ERC1: variants seen among roughly 807,000 people sequenced by gnomAD.
ERC1 encodes RAB6 interacting protein 2.
Under a neutral mutation model 132.0 loss-of-function variants are expected in ERC1, and 56 were observed. The ratio of observed to expected loss-of-function variants is 0.42; its 90% confidence interval spans 0.34 to 0.53. ERC1 has a LOEUF of 0.53. Ranked by LOEUF, ERC1 falls within the 20% of genes least tolerant of loss-of-function variation. ERC1 has a pLI of 0.03. For missense variants in ERC1, 1,202 were observed against 1,349.9 expected (o/e 0.89, Z 1.72); for synonymous variants, 478 against 476.1 (o/e 1.00, Z -0.05).
At chr12:993,224 A>G (rs775819625) in intron 1 of ERC1, among the ~76,000 whole-genome samples, 1 of 152,242 alleles carries the variant, frequency 6.6e-6, no homozygotes, top group Non-Finnish European at 1.5e-5. Flanking sequence ...GTTAGAAGGA[A>G]AACAAAATTG....
intron 8 of ERC1, among the ~76,000 whole-genome samples, chr12:1,146,102 G>A (rs1950318511): frequency 6.6e-6 from 1 of 152,004 alleles, no homozygotes; most frequent in Non-Finnish European, 1.5e-5. Context: ...TTCTAGTTCT[G>A]TGAAGAATGA....
Position 1,104,755 on chromosome 12 carries a change from G to A in ERC1, c.1092G>A (p.Met364Ile), listed in dbSNP as rs765146649. Residue 364 changes from methionine to isoleucine, a missense_variant, in exon 4 of 19, where the codon ATG becomes ATA. Transcript: ENST00000360905. ...TTTCTGCCTCTTTTCTACAGGAGAT[G>A]CATCGAAGGTTTGAGAATGCTCCTG... ...EKENSMLREE[M>I]HRRFENAPDS... 6.2e-7 allele frequency: 1 copy of A among 1,610,606 alleles called. No individual in the cohort carries two copies. The highest frequency in any genetic ancestry group is 8.5e-7 in the Non-Finnish European group (1 of 1,176,800).
At chr12:1,148,451 G>T (rs1001791289) in intron 8 of ERC1, among the ~76,000 whole-genome samples, 1 of 152,094 alleles carries the variant, frequency 6.6e-6, no homozygotes, top group African/African-American at 2.4e-5. Context: ...TTCACAGAAG[G>T]CAGCAGAGGA....
chr12:1,101,565 G>C (rs769613643), intron 3 of ERC1, among the ~76,000 whole-genome samples: 1 of 152,180 alleles, frequency 6.6e-6, no homozygotes, highest in Non-Finnish European at 1.5e-5. Flanking sequence ...GTGTCTGATT[G>C]AGGTGATTAG....
chr12:1,184,326 A>G (rs983071110), intron 11 of ERC1, among the ~76,000 whole-genome samples: 5 of 149,580 alleles, frequency 3.3e-5, no homozygotes, highest in Admixed American at 6.7e-5. Flanking sequence ...AGTTTTTTTT[A>G]TTTGTTATAT....
chr12:1,078,067 A>G (rs1941618480), intron 2 of ERC1, among the ~76,000 whole-genome samples: 1 of 152,216 alleles, frequency 6.6e-6, no homozygotes, highest in African/African-American at 2.4e-5. Context: ...TTACCAAAAT[A>G]GTAATTGCCA....
At chr12:1,470,988 A>C (rs376256847) in intron 18 of ERC1, among the ~76,000 whole-genome samples, 4 of 152,234 alleles carry the variant, frequency 2.6e-5, no homozygotes, top group Non-Finnish European at 5.9e-5. Context: ...GAGGCTCATC[A>C]GACCAATGTA....
chr12:1,083,027 T>C, intron 2 of ERC1, 137 bp from the exon 3 acceptor site: 1 of 705,694 alleles, frequency 1.4e-6, no homozygotes, highest in Non-Finnish European at 2.4e-6. Context: ...TTTAAGGACC[T>C]GTAAAACAGA....
chr12:1,492,363 G>A lies in ERC1; in HGVS notation c.*2133G>A, dbSNP rs780208064. 1.9e-4 allele frequency: 45 copies of A among 233,104 alleles called. No individual in the cohort carries two copies. The highest frequency in any genetic ancestry group is 1.4e-3 in the South Asian group (8 of 5,534). The allele number at this position is 233,104 out of a possible 1,614,324, so 14.4% of individuals were successfully genotyped here. A position where few individuals can be genotyped will look rare whatever the true frequency, so the allele number is the denominator to read the frequency against. ...AGCATCTCGCTTTATCCACCATAAC[G>A]TAAAGAACTGCGGTGTGATAACAGC... On this transcript the variant is annotated 3_prime_UTR_variant, in exon 19 of 19. Transcript: ENST00000360905.
At chr12:1,319,353 TCCTTCGTATA>T (rs1283768364) in intron 15 of ERC1, among the ~76,000 whole-genome samples, 1 of 152,226 alleles carries the variant, frequency 6.6e-6, no homozygotes, top group Non-Finnish European at 1.5e-5. Flanking sequence ...CTTTCTGCTT[TCCTTCGTATA>T]CCAAATAGAA....
intron 17 of ERC1, among the ~76,000 whole-genome samples, chr12:1,429,219 AT>A (rs1161143433): frequency 3.3e-5 from 5 of 152,156 alleles, no homozygotes; most frequent in Non-Finnish European, 7.3e-5. Flanking sequence ...AAGGTATTAG[AT>A]TGTCTGTGTC....
intron 8 of ERC1, among the ~76,000 whole-genome samples, chr12:1,162,332 T>C (rs1951957621): frequency 6.6e-6 from 1 of 152,250 alleles, no homozygotes; most frequent in South Asian, 2.1e-4. Context: ...ATTCAAAATC[T>C]GTGTTAAAAT....
At chr12:1,275,658 G>C (rs2078212886) in intron 14 of ERC1, among the ~76,000 whole-genome samples, 2 of 152,108 alleles carry the variant, frequency 1.3e-5, no homozygotes, top group African/African-American at 4.8e-5. Flanking sequence ...GAAGTGGCAA[G>C]GTTGATTTCT....
intron 3 of ERC1, among the ~76,000 whole-genome samples, chr12:1,096,357 T>G (rs984304786): frequency 1.4e-4 from 21 of 152,262 alleles, no homozygotes; most frequent in Non-Finnish European, 2.2e-4. Flanking sequence ...GTTTTAATAT[T>G]TTCAAGTAGA....
At chr12:1,248,099 G>C (rs1271594600) in intron 13 of ERC1, among the ~76,000 whole-genome samples, 1 of 152,168 alleles carries the variant, frequency 6.6e-6, no homozygotes, top group Non-Finnish European at 1.5e-5. Context: ...ATTATCAGTA[G>C]AGTTATACCT....
chr12:1,115,174 A>G (rs1440678061), intron 6 of ERC1, among the ~76,000 whole-genome samples: 2 of 152,194 alleles, frequency 1.3e-5, no homozygotes, highest in Non-Finnish European at 2.9e-5. Flanking sequence ...TTTAGGGTAA[A>G]AAACTATTTT....
chr12:1,155,142 G>A (rs1013837810), intron 8 of ERC1, among the ~76,000 whole-genome samples: 6 of 151,890 alleles, frequency 4.0e-5, no homozygotes, highest in Non-Finnish European at 5.9e-5. Flanking sequence ...CATGGCCAAC[G>A]TGGCGAAACC....
chr12:1,228,208 G>A (rs1020762831), intron 12 of ERC1, among the ~76,000 whole-genome samples: 1 of 152,096 alleles, frequency 6.6e-6, no homozygotes, highest in Non-Finnish European at 1.5e-5. Flanking sequence ...AGGCTGCATT[G>A]AATCCATAGA....
At chr12:1,440,305 C>T (rs373986903) in intron 17 of ERC1, among the ~76,000 whole-genome samples, 1,824 of 143,772 alleles carry the variant, frequency 0.013, 31 homozygotes, top group African/African-American at 0.042. Flanking sequence ...CCTGGGTTCA[C>T]GCCATTCTCC....
Sources: allele counts gnomAD v4.1 joint callset (sites outside exome capture counted in the v4.1 genomes callset), GRCh38; gene constraint gnomAD v4.1.1; transcripts MANE v1.5; gene names NCBI Gene and HGNC (gene_info 2026-07-23, HGNC 2026-07-21).